Variants in TMEM117 observed in about 807,000 individuals in gnomAD.
TMEM117 encodes transmembrane protein 117.
A neutral mutation model predicts 52.4 loss-of-function variants in TMEM117; 27 were observed. The ratio of observed to expected loss-of-function variants is 0.51; its 90% CI spans 0.38 to 0.71. The LOEUF (loss-of-function observed/expected upper bound fraction) is 0.71, where lower values mean the gene tolerates loss of function less well. TMEM117 is among the 30% of genes least tolerant of loss of function. TMEM117 has a pLI of 0.00. For synonymous variants in TMEM117, 215 were observed against 206.3 expected, an observed-to-expected ratio of 1.04 and a Z score of -0.36; for missense variants, 556 against 630.5, an observed-to-expected ratio of 0.88 and a Z score of 1.26.
At chr12:43,918,685 C>T (rs1024479017) in intron 2 of TMEM117, among the ~76,000 whole-genome samples, 2 of 152,160 alleles carry the variant, frequency 1.3e-5, no homozygotes. Context: ...GTCTTGTTAG[C>T]CCTTAGCTCT....
chr12:43,977,875 T>C (rs1945697811), intron 3 of TMEM117, among the ~76,000 whole-genome samples: 1 of 152,202 alleles, frequency 6.6e-6, no homozygotes, highest in Non-Finnish European at 1.5e-5. Context: ...GGTTGGACTT[T>C]CCAGGAAGAG....
At chr12:43,896,184 A>C (rs1199435256) in intron 2 of TMEM117, among the ~76,000 whole-genome samples, 1 of 152,190 alleles carries the variant, frequency 6.6e-6, no homozygotes, top group East Asian at 1.9e-4. Flanking sequence ...ACATTAATTG[A>C]GCTCCTACCT....
intron 4 of TMEM117, among the ~76,000 whole-genome samples, chr12:44,146,835 G>A (rs1315791209): frequency 6.6e-6 from 1 of 152,114 alleles, no homozygotes; most frequent in Non-Finnish European, 1.5e-5. Flanking sequence ...ATCAAAGTGT[G>A]TCTTTTATAT....
chr12:44,104,514 A>G (rs1325842929), intron 3 of TMEM117, among the ~76,000 whole-genome samples: 1 of 149,658 alleles, frequency 6.7e-6, no homozygotes, highest in Non-Finnish European at 1.5e-5. Flanking sequence ...AAGTCCCACA[A>G]AGGTCCTGTG....
intron 2 of TMEM117, among the ~76,000 whole-genome samples, chr12:43,930,267 C>T (rs563540041): frequency 2.9e-3 from 437 of 152,238 alleles, no homozygotes; most frequent in Admixed American, 7.4e-3. Flanking sequence ...TATGCTTGAT[C>T]TTACCTCACC....
chr12:44,326,275 A>G (rs1287707810), intron 6 of TMEM117, among the ~76,000 whole-genome samples: 2 of 152,196 alleles, frequency 1.3e-5, no homozygotes, highest in African/African-American at 2.4e-5. Flanking sequence ...GCAGAAATCC[A>G]TATTTTAATT....
chr12:43,915,119 T>C (rs1944579292), intron 2 of TMEM117, among the ~76,000 whole-genome samples: 1 of 152,060 alleles, frequency 6.6e-6, no homozygotes, highest in East Asian at 1.9e-4. Context: ...CAGTATTGAG[T>C]GTTAGTTCTT....
intron 6 of TMEM117, among the ~76,000 whole-genome samples, chr12:44,334,824 G>A (rs1414356530): frequency 1.3e-5 from 2 of 151,838 alleles, no homozygotes; most frequent in Non-Finnish European, 2.9e-5. Context: ...TCTGATTCAT[G>A]ATCTAAGAAA....
intron 5 of TMEM117, among the ~76,000 whole-genome samples, chr12:44,269,676 A>C (rs1316701783): frequency 1.3e-5 from 2 of 152,016 alleles, no homozygotes; most frequent in East Asian, 3.8e-4. Context: ...GATTCAGCCC[A>C]ACATTTGTAA....
At chr12:44,230,487 TC>T (rs1949918058) in intron 5 of TMEM117, among the ~76,000 whole-genome samples, 1 of 152,048 alleles carries the variant, frequency 6.6e-6, no homozygotes, top group South Asian at 2.1e-4. Context: ...CTATTTGCTA[TC>T]CTCCCTGCCA....
chr12:44,226,773 T>TA (rs1186814548), intron 5 of TMEM117, among the ~76,000 whole-genome samples: 1 of 152,138 alleles, frequency 6.6e-6, no homozygotes, highest in African/African-American at 2.4e-5. Context: ...CAGCCATCTA[T>TA]AAGCCAGGGA....
intron 6 of TMEM117, among the ~76,000 whole-genome samples, chr12:44,357,592 A>G (rs1015453265): frequency 1.3e-5 from 2 of 152,120 alleles, no homozygotes; most frequent in African/African-American, 2.4e-5. Flanking sequence ...ACTAATCATC[A>G]GAGACATGGA....
In TMEM117 at chr12:44,286,473, A is replaced by C. The variant is rs562333303; in HGVS notation, c.609-13107A>C. Among the ~76,000 whole-genome samples, 110 of 152,280 alleles carry C rather than the reference A, an allele frequency of 7.2e-4. 2 individuals carry two copies. In the South Asian group the frequency reaches 8.9e-3, roughly 12 times the overall value. ...TTTAATGAAAATTAAATTGCATGAT[A>C]GTTAACCACCATAAATGAGTCAGCC... On this transcript the variant is annotated intron_variant, in intron 5 of 7. Coordinates refer to ENST00000266534, the MANE Select transcript of TMEM117 (RefSeq NM_032256.3).
At chr12:43,913,184 A>T (rs1433586506) in intron 2 of TMEM117, among the ~76,000 whole-genome samples, 1 of 152,148 alleles carries the variant, frequency 6.6e-6, no homozygotes, top group Non-Finnish European at 1.5e-5. Context: ...CTGGAAGCTC[A>T]TTCATGAACT....
At chr12:44,094,887 A>C (rs929293552) in intron 3 of TMEM117, among the ~76,000 whole-genome samples, 1 of 152,144 alleles carries the variant, frequency 6.6e-6, no homozygotes, top group African/African-American at 2.4e-5. Context: ...CACTTTTTCT[A>C]ATTTATAAAC....
upstream of TMEM117, chr12:43,835,842 G>C (rs781147640): frequency 2.0e-5 from 3 of 152,054 alleles, no homozygotes; most frequent in Non-Finnish European, 1.5e-5. Context: ...CGTGGTGCGG[G>C]CGAGAGGGCA....
At chr12:44,067,704 G>A (rs1462383875) in intron 3 of TMEM117, among the ~76,000 whole-genome samples, 1 of 152,146 alleles carries the variant, frequency 6.6e-6, no homozygotes, top group Non-Finnish European at 1.5e-5. Context: ...CATTTATAGA[G>A]CACAGGCAGA....
intron 7 of TMEM117, among the ~76,000 whole-genome samples, chr12:44,385,248 C>T (rs1040923690): frequency 9.9e-5 from 15 of 152,066 alleles, no homozygotes; most frequent in African/African-American, 3.6e-4. Context: ...TGATGTTAGG[C>T]CATACAGTTT....
intron 1 of TMEM117, among the ~76,000 whole-genome samples, chr12:43,843,584 C>T (rs1943150470): frequency 6.6e-6 from 1 of 152,234 alleles, no homozygotes; most frequent in Non-Finnish European, 1.5e-5. Flanking sequence ...GGGCATATTA[C>T]ATATTTTGCA....
Sources: allele counts gnomAD v4.1 joint callset (sites outside exome capture counted in the v4.1 genomes callset), GRCh38; gene constraint gnomAD v4.1.1; transcripts MANE v1.5; gene names NCBI Gene and HGNC (gene_info 2026-07-23, HGNC 2026-07-21).